The following XKR6 variants were observed in gnomAD, a reference collection of about 807,000 sequenced individuals.
XKR6 encodes XK related 6, also known as XK-related protein 6.
In XKR6, 22 loss-of-function variants were observed where a neutral mutation model predicts 56.7. The ratio of observed to expected loss-of-function variants is 0.39; its 90% CI spans 0.28 to 0.55. The LOEUF is 0.55. Ranked by LOEUF, XKR6 falls within the 20% of genes least tolerant of loss-of-function variation. The probability of loss-of-function intolerance (pLI) is 0.66; values close to 1 mark genes in which losing one functional copy is unlikely to be tolerated. For synonymous variants in XKR6, 524 were observed against 387.8 expected (o/e 1.35, Z -4.13); for missense variants, 852 against 889.0 (o/e 0.96, Z 0.53).
chr8:10,900,704 G>C (rs1385346133), intron 2 of XKR6, among the ~76,000 whole-genome samples: 1 of 152,158 alleles, frequency 6.6e-6, no homozygotes, highest in African/African-American at 2.4e-5. Flanking sequence ...GTACACACAA[G>C]ACATCTCATG....
rs556824949 is a variant in XKR6, at chr8:11,132,084, C to A, written c.764+68492G>T. Among the ~76,000 whole-genome samples, 3 of 152,248 alleles carry A rather than the reference C, an allele frequency of 2.0e-5. No homozygotes were observed. In the East Asian group the frequency reaches 5.8e-4, roughly 29 times the overall value. ...CAAACTTCAGCACTGCTGCACTCCA[C>A]TGACCCGAGATTCTGATGCAGTAGG... On this transcript the variant is annotated intron_variant, in intron 1 of 2. Coordinates refer to ENST00000416569, the MANE Select transcript of XKR6 (RefSeq NM_173683.4).
chr8:11,153,347 T>C (rs1166197084), intron 1 of XKR6, among the ~76,000 whole-genome samples: 1 of 152,334 alleles, frequency 6.6e-6, no homozygotes, highest in African/African-American at 2.4e-5. Context: ...ATGTATAACA[T>C]ACAGAACAAG....
At chr8:11,014,132 A>C (rs190471643) in intron 1 of XKR6, among the ~76,000 whole-genome samples, 2 of 152,228 alleles carry the variant, frequency 1.3e-5, no homozygotes, top group East Asian at 3.9e-4. Flanking sequence ...GCCAGTAAAT[A>C]CTCTGGTACC....
intron 1 of XKR6, among the ~76,000 whole-genome samples, chr8:10,992,661 CT>C (rs5889355): frequency 0.13 from 20,047 of 152,152 alleles, 1,498 homozygotes; most frequent in African/African-American, 0.21. Context: ...GCAGATCCCC[CT>C]CTCACCATTG....
intron 1 of XKR6, among the ~76,000 whole-genome samples, chr8:10,943,818 C>G (rs956692682): frequency 6.6e-6 from 1 of 152,142 alleles, no homozygotes; most frequent in African/African-American, 2.4e-5. Context: ...CTCATTCCCT[C>G]CCCTTCTCAT....
chr8:10,995,775 C>T (rs1798098329), intron 1 of XKR6, among the ~76,000 whole-genome samples: 1 of 151,894 alleles, frequency 6.6e-6, no homozygotes, highest in Admixed American at 6.6e-5. Flanking sequence ...GAAGGCTGCA[C>T]CTGGCCAGAG....
At chr8:11,048,719 T>C (rs1469167588) in intron 1 of XKR6, among the ~76,000 whole-genome samples, 1 of 152,206 alleles carries the variant, frequency 6.6e-6, no homozygotes, top group African/African-American at 2.4e-5. Context: ...GCCTCTGGTC[T>C]GCAGGGTTTG....
chr8:11,140,694 A>G (rs766118217), intron 1 of XKR6, among the ~76,000 whole-genome samples: 9 of 152,010 alleles, frequency 5.9e-5, no homozygotes, highest in Non-Finnish European at 1.3e-4. Flanking sequence ...TCAGGAGATC[A>G]AGACCATCCT....
chr8:10,951,980 G>T (rs34031674), intron 1 of XKR6, among the ~76,000 whole-genome samples: 2 of 151,904 alleles, frequency 1.3e-5, no homozygotes, highest in African/African-American at 4.8e-5. Context: ...AGCTGGCTGA[G>T]AAAAAGCCAG....
chr8:10,991,186 G>C (rs1388497432), intron 1 of XKR6, among the ~76,000 whole-genome samples: 1 of 152,134 alleles, frequency 6.6e-6, no homozygotes, highest in African/African-American at 2.4e-5. Context: ...TTACAGGCGT[G>C]AGCCACCCCA....
In XKR6 at chr8:10,897,799, C is replaced by G. The variant is rs1799925243; in HGVS notation, c.*153G>C. 1.3e-6 allele frequency: 1 copy of G among 793,708 alleles called. No individual in the cohort carries two copies. Among genetic ancestry groups the G allele is most frequent in the Admixed American group, 3.7e-5 (1 of 27,184 alleles). The allele number at this position is 793,708 out of a possible 1,614,324, so 49.2% of individuals were successfully genotyped here. On this transcript the variant is annotated 3_prime_UTR_variant, in exon 3 of 3. Transcript: ENST00000416569. ...TTGAAGGGGTTGTGACTTATTAATT[C>G]TTTTTTTTTTGTAGTGGTGGTGTTG...
chr8:11,100,621 T>C (rs17152852), intron 1 of XKR6, among the ~76,000 whole-genome samples: 1 of 152,172 alleles, frequency 6.6e-6, no homozygotes, highest in Non-Finnish European at 1.5e-5. Context: ...TAAGACAGCA[T>C]TCACACTTAA....
At chr8:10,928,796 G>A (rs1053127784) in intron 1 of XKR6, among the ~76,000 whole-genome samples, 3 of 152,198 alleles carry the variant, frequency 2.0e-5, no homozygotes, top group Admixed American at 1.3e-4. Flanking sequence ...CCACCTTCCA[G>A]GCGGGTTCCA....
chr8:11,008,319 C>T (rs928944382), intron 1 of XKR6, among the ~76,000 whole-genome samples: 2 of 152,052 alleles, frequency 1.3e-5, no homozygotes, highest in Non-Finnish European at 2.9e-5. Flanking sequence ...GGCAGGTAGG[C>T]AGTGCATGAA....
At chr8:10,932,760 AT>A (rs1801097472) in intron 1 of XKR6, among the ~76,000 whole-genome samples, 1 of 127,666 alleles carries the variant, frequency 7.8e-6, no homozygotes, top group Admixed American at 7.4e-5. Flanking sequence ...TGAACTCATC[AT>A]TTTTTATGGC....
intron 1 of XKR6, among the ~76,000 whole-genome samples, chr8:11,039,896 G>A (rs557529475): frequency 1.6e-4 from 25 of 152,348 alleles, no homozygotes; most frequent in East Asian, 7.7e-4. Context: ...ACATCAGCCC[G>A]TTAGCGGAAC....
In XKR6 at chr8:11,201,287, T is replaced by C; in HGVS notation, c.53A>G (p.His18Arg). ...GGVGVGFAQL[H>R]NLDEAVGSGG... The stretch of plus-strand genomic sequence containing the variant: ...GCTGCCCACCGCCTCGTCCAGGTTG[T>C]GCAGCTGAGCGAAGCCCACCCCCAC... Residue 18 changes from histidine to arginine, a missense_variant, in exon 1 of 3, where the codon CAC (histidine) becomes CGC (arginine). Physicochemically the swap from His to Arg is conservative, Grantham distance 29. Coordinates refer to ENST00000416569, the MANE Select transcript of XKR6 (RefSeq NM_173683.4). The C allele has an allele frequency of 6.4e-7, 1 of 1,550,986 alleles. No individual in the cohort carries two copies. Among genetic ancestry groups the C allele is most frequent in the Non-Finnish European group, 8.7e-7 (1 of 1,155,090 alleles).
chr8:10,967,302 C>A (rs984278631), intron 1 of XKR6, among the ~76,000 whole-genome samples: 3 of 152,220 alleles, frequency 2.0e-5, no homozygotes, highest in African/African-American at 7.2e-5. Flanking sequence ...GAGATGACAC[C>A]TGAGTTGCTT....
chr8:11,136,524 TC>T (rs143738213), intron 1 of XKR6, among the ~76,000 whole-genome samples: 8,255 of 139,978 alleles, frequency 0.059, 304 homozygotes, highest in South Asian at 0.098. Context: ...AAAAAAAAAG[TC>T]CTACGTTGAA....
Sources: allele counts gnomAD v4.1 joint callset (sites outside exome capture counted in the v4.1 genomes callset), GRCh38; gene constraint gnomAD v4.1.1; transcripts MANE v1.5; gene names NCBI Gene and HGNC (gene_info 2026-07-23, HGNC 2026-07-21).